RAPGEF5: variants seen among roughly 807,000 people sequenced by gnomAD.
RAPGEF5 encodes the protein Rap guanine nucleotide exchange factor 5, also known as M-Ras-regulated GEF.
A neutral mutation model predicts 125.2 loss-of-function variants in RAPGEF5; 65 were observed. That is an observed-to-expected ratio of 0.52 (90% CI 0.43 to 0.64). The LOEUF is 0.64. Among genes scored for constraint, RAPGEF5 ranks in the 30% least tolerant of loss-of-function variants. The pLI is 0.00. For missense variants in RAPGEF5, 958 were observed against 1,048.1 expected, an observed-to-expected ratio of 0.91 and a Z score of 1.19; for synonymous variants, 391 against 385.9, an observed-to-expected ratio of 1.01 and a Z score of -0.16.
At chr7:22,291,385 A>C (rs1032218033) in intron 5 of RAPGEF5, 144 bp from the exon 6 acceptor site, 6 of 1,329,304 alleles carry the variant, frequency 4.5e-6, no homozygotes, top group Non-Finnish European at 5.0e-6. Context: ...TTGTGACAGT[A>C]ACTCCATAGG....
In RAPGEF5 at chr7:22,146,934, A is replaced by G; in HGVS notation, c.1970T>C (p.Met657Thr). Residue 657 changes from methionine (M) to threonine (T), a missense_variant, in exon 19 of 26, where the codon ATG becomes ACG. By Grantham distance (81) the Met-to-Thr change is moderately conservative. Transcript: ENST00000665637. ...MNTWDLALEL[M>T]NFDWSLFNSI... ...ATTGAATAGACTCCAATCAAAATTCATTAATTCCAGAGCAAGATCCCAAGT... is the reference window on the plus strand; with the variant it reads ...ATTGAATAGACTCCAATCAAAATTCGTTAATTCCAGAGCAAGATCCCAAGT... 1 of 1,613,754 alleles carries G rather than the reference A, an allele frequency of 6.2e-7. No individual in the cohort carries two copies. The highest frequency in any genetic ancestry group is 8.5e-7 in the Non-Finnish European group (1 of 1,179,752).
intron 11 of RAPGEF5, among the ~76,000 whole-genome samples, chr7:22,184,492 TA>T (rs1784770283): frequency 6.6e-6 from 1 of 152,182 alleles, no homozygotes; most frequent in African/African-American, 2.4e-5. Flanking sequence ...ATGATGCAAT[TA>T]AAAAATGCAT....
At chr7:22,293,192 C>G (rs551920879) in intron 5 of RAPGEF5, among the ~76,000 whole-genome samples, 1 of 152,342 alleles carries the variant, frequency 6.6e-6, no homozygotes, top group South Asian at 2.1e-4. Flanking sequence ...TAGCTTCTGG[C>G]TCTCCCCTGA....
At chr7:22,311,219 T>G (rs956630053) in intron 3 of RAPGEF5, among the ~76,000 whole-genome samples, 1 of 152,124 alleles carries the variant, frequency 6.6e-6, no homozygotes, top group African/African-American at 2.4e-5. Flanking sequence ...AGTTTTGCCA[T>G]GTTGCCCAGA....
Position 22,146,878 on chromosome 7 carries a change from C to T in RAPGEF5, c.2007+19G>A. The T allele has an allele frequency of 6.2e-7, 1 of 1,605,036 alleles. No individual in the cohort carries two copies. Among genetic ancestry groups the T allele is most frequent in the Admixed American group, 1.7e-5 (1 of 57,750 alleles). On this transcript the variant is annotated intron_variant, in intron 19 of 25. Transcript: ENST00000665637. ...AGTTAAAACAGCATTTGTATTTTAT[C>T]TTGTCACTCCTCATTTACCTCGTGA...
At chr7:22,298,334 C>G (rs970897754) in intron 5 of RAPGEF5, among the ~76,000 whole-genome samples, 4 of 151,960 alleles carry the variant, frequency 2.6e-5, no homozygotes, top group Non-Finnish European at 5.9e-5. Context: ...TGCACCACCA[C>G]GCCTGGCTAA....
At chr7:22,154,384 A>C in intron 17 of RAPGEF5, 71 bp downstream of exon 17, 9 of 1,549,234 alleles carry the variant, frequency 5.8e-6, no homozygotes, top group Non-Finnish European at 7.9e-6. Context: ...TTTACTCTAC[A>C]AAAATGTCAC....
intron 8 of RAPGEF5, among the ~76,000 whole-genome samples, chr7:22,228,944 T>C (rs983522411): frequency 6.6e-6 from 1 of 151,972 alleles, no homozygotes; most frequent in Non-Finnish European, 1.5e-5. Flanking sequence ...TTGCCAGGAG[T>C]GTTTTATGTT....
intron 11 of RAPGEF5, among the ~76,000 whole-genome samples, chr7:22,170,747 G>C (rs570077742): frequency 4.6e-5 from 7 of 152,186 alleles, no homozygotes; most frequent in Admixed American, 3.9e-4. Flanking sequence ...TAAGGGCTTT[G>C]ACCCAGAAAT....
intron 5 of RAPGEF5, among the ~76,000 whole-genome samples, chr7:22,302,025 C>T (rs1342837843): frequency 6.6e-6 from 1 of 152,162 alleles, no homozygotes; most frequent in Non-Finnish European, 1.5e-5. Context: ...AACACGGAAG[C>T]TTAAGATCAG....
At chr7:22,301,577 T>A (rs1232265006) in intron 5 of RAPGEF5, among the ~76,000 whole-genome samples, 5 of 136,070 alleles carry the variant, frequency 3.7e-5, no homozygotes, top group Non-Finnish European at 7.6e-5. Flanking sequence ...ATCGTGCCAC[T>A]GCACTCCAGT....
intron 9 of RAPGEF5, among the ~76,000 whole-genome samples, chr7:22,207,078 C>T (rs958087658): frequency 2.0e-5 from 3 of 152,142 alleles, no homozygotes; most frequent in African/African-American, 7.2e-5. Flanking sequence ...TAGTATTTTC[C>T]TCCCTCTCCC....
At chr7:22,315,656 A>C (rs1177411476) in intron 2 of RAPGEF5, among the ~76,000 whole-genome samples, 180 bp from the exon 3 acceptor site, 4 of 151,032 alleles carry the variant, frequency 2.6e-5, no homozygotes, top group Non-Finnish European at 4.4e-5. Context: ...ATAAACCTAC[A>C]ACTATCTTAC....
At chr7:22,148,079 CA>C (rs1476468670) in intron 18 of RAPGEF5, among the ~76,000 whole-genome samples, 3 of 152,132 alleles carry the variant, frequency 2.0e-5, no homozygotes, top group African/African-American at 7.2e-5. Context: ...GTGTAGGGCA[CA>C]GTGTGGTGCT....
At chr7:22,269,728 T>C (rs929978559) in intron 6 of RAPGEF5, among the ~76,000 whole-genome samples, 4 of 152,220 alleles carry the variant, frequency 2.6e-5, no homozygotes, top group African/African-American at 9.6e-5. Context: ...TACACTTTTC[T>C]TTGTGTGTTA....
chr7:22,130,961 T>C (rs771006212), intron 24 of RAPGEF5, 76 bp downstream of exon 24: 1 of 1,508,380 alleles, frequency 6.6e-7, no homozygotes, highest in South Asian at 1.3e-5. Flanking sequence ...CTAAAACTAT[T>C]TATTTCCTAG....
chr7:22,231,014 TTAGA>T (rs1416089591), intron 7 of RAPGEF5, 95 bp from the exon 8 acceptor site: 32 of 1,150,122 alleles, frequency 2.8e-5, no homozygotes, highest in Middle Eastern at 2.2e-4. Context: ...GGAAAAAATG[TTAGA>T]TAGATTCACA....
intron 13 of RAPGEF5, 78 bp from the exon 14 acceptor site, chr7:22,160,693 C>A (rs910937164): frequency 1.4e-6 from 2 of 1,403,004 alleles, no homozygotes; most frequent in South Asian, 1.6e-5. Flanking sequence ...CATGGCTATC[C>A]TAACACAGGA....
Position 22,157,856 on chromosome 7 carries a change from T to A in RAPGEF5, c.1556A>T (p.Lys519Met). ...HTVDEYSPQK[K>M]NKALFHQFSL... ...TTAGGTATAGAAGCATCTGCTTACCTTTTTTTGTGGTGAATATTCATCTAC... is the reference window on the plus strand; with the variant it reads ...TTAGGTATAGAAGCATCTGCTTACCATTTTTTGTGGTGAATATTCATCTAC... Residue 519 changes from lysine (K) to methionine (M), a missense_variant and splice_region_variant, in exon 15 of 26, where the codon AAG (lysine) becomes ATG (methionine). Coordinates refer to ENST00000665637, the MANE Select transcript of RAPGEF5 (RefSeq NM_012294.5). 1.2e-6 allele frequency: 2 copies of A among 1,610,510 alleles called. No homozygotes were observed. Among genetic ancestry groups the A allele is most frequent in the Non-Finnish European group, 1.7e-6 (2 of 1,177,130 alleles).
Sources: allele counts gnomAD v4.1 joint callset (sites outside exome capture counted in the v4.1 genomes callset), GRCh38; gene constraint gnomAD v4.1.1; transcripts MANE v1.5; gene names NCBI Gene and HGNC (gene_info 2026-07-23, HGNC 2026-07-21).